The following LRRC4C variants were observed in gnomAD, a reference collection of about 807,000 sequenced individuals.
The protein encoded by LRRC4C is leucine-rich repeat-containing protein 4C.
LRRC4C carries 5 observed loss-of-function variants against 33.6 expected under a neutral mutation model. The ratio of observed to expected loss-of-function variants is 0.15; its 90% CI spans 0.08 to 0.31. The LOEUF (loss-of-function observed/expected upper bound fraction) is 0.31, where lower values mean the gene tolerates loss of function less well. LRRC4C is among the 10% of genes least tolerant of loss of function. The pLI is 1.00. For synonymous variants in LRRC4C, 329 were observed against 302.0 expected (o/e 1.09, Z -0.93); for missense variants, 560 against 796.7 (o/e 0.70, Z 3.58).
At chr11:41,116,098 C>T (rs1942108659) in intron 1 of LRRC4C, among the ~76,000 whole-genome samples, 1 of 152,064 alleles carries the variant, frequency 6.6e-6, no homozygotes. Context: ...ATGTACTCTG[C>T]TTCTAGTCAC....
At position 40,694,358 on chromosome 11, in the gene LRRC4C, G is replaced by A. The variant is rs569792975; in HGVS notation, c.-406-46080C>T. 8.6e-5 allele frequency among the ~76,000 whole-genome samples: 13 copies of A among 152,040 alleles called. No homozygotes were observed. In the South Asian group the frequency reaches 2.3e-3, roughly 27 times the overall value. On this transcript the variant is annotated intron_variant, in intron 2 of 6. Transcript: ENST00000528697. ...GGCTGCTTTCTTTCCTGGCTATTTC[G>A]TTTTTACCCTCTGTGGAAATCATCT... is the stretch of plus-strand genomic sequence containing the variant.
chr11:40,611,812 G>C (rs1362677448), intron 3 of LRRC4C, among the ~76,000 whole-genome samples: 1 of 151,712 alleles, frequency 6.6e-6, no homozygotes, highest in South Asian at 2.1e-4. Flanking sequence ...AAACCATAAG[G>C]AAATATCACT....
intron 2 of LRRC4C, among the ~76,000 whole-genome samples, chr11:40,905,610 G>A (rs1196265938): frequency 2.6e-5 from 4 of 152,148 alleles, no homozygotes; most frequent in African/African-American, 9.7e-5. Flanking sequence ...CACATGCCTT[G>A]AAAGCAAGGC....
intron 1 of LRRC4C, among the ~76,000 whole-genome samples, chr11:41,123,580 C>CT (rs1027437698): frequency 6.6e-6 from 1 of 151,642 alleles, no homozygotes; most frequent in Admixed American, 6.6e-5. Flanking sequence ...CCTTTTTTTT[C>CT]TTTTTTTAAT....
chr11:40,166,548 A>T (rs1859610492), intron 5 of LRRC4C, among the ~76,000 whole-genome samples: 1 of 152,124 alleles, frequency 6.6e-6, no homozygotes, highest in Admixed American at 6.5e-5. Context: ...TCATGAACAC[A>T]TATGCTTCTG....
chr11:40,163,494 C>G (rs1859335062), intron 5 of LRRC4C, among the ~76,000 whole-genome samples: 1 of 151,864 alleles, frequency 6.6e-6, no homozygotes, highest in African/African-American at 2.4e-5. Flanking sequence ...GGAACCATGG[C>G]TGATTTTAAT....
intron 3 of LRRC4C, among the ~76,000 whole-genome samples, chr11:40,633,951 G>T (rs1013531372): frequency 3.9e-5 from 6 of 152,070 alleles, no homozygotes; most frequent in Admixed American, 6.6e-5. Context: ...TAAATAAAAT[G>T]GGTACAAAGT....
intron 1 of LRRC4C, among the ~76,000 whole-genome samples, chr11:41,202,684 A>G (rs1946446507): frequency 6.6e-6 from 1 of 152,080 alleles, no homozygotes; most frequent in South Asian, 2.1e-4. Context: ...CTCTCTTCAA[A>G]TATTAAGGAT....
Position 40,442,541 on chromosome 11 carries a change from G to A in LRRC4C, c.-269-122820C>T, listed in dbSNP as rs534706028. Among the ~76,000 whole-genome samples the A allele has an allele frequency of 3.3e-5, 5 of 152,194 alleles. 1 individual carries two copies. The highest frequency in any genetic ancestry group is 1.2e-4 in the African/African-American group (5 of 41,530). On this transcript the variant is annotated intron_variant, in intron 3 of 6. Transcript: ENST00000528697. ...TCAAATACAATGGAACCAGAGAGAA[G>A]GAATCTACTATCAATGCTTCAATGT...
chr11:40,281,414 G>A (rs1006127442), intron 4 of LRRC4C, among the ~76,000 whole-genome samples: 2 of 152,030 alleles, frequency 1.3e-5, no homozygotes, highest in Non-Finnish European at 2.9e-5. Flanking sequence ...GAACAGCTGC[G>A]CCAGGATGAG....
At chr11:40,184,907 C>T (rs572553205) in intron 5 of LRRC4C, among the ~76,000 whole-genome samples, 9 of 152,202 alleles carry the variant, frequency 5.9e-5, no homozygotes, top group Non-Finnish European at 8.8e-5. Flanking sequence ...CTTTCTGCTG[C>T]GCTTCCTGCT....
chr11:41,320,781 G>C (rs1950934245), intron 1 of LRRC4C, among the ~76,000 whole-genome samples: 1 of 152,110 alleles, frequency 6.6e-6, no homozygotes. Context: ...CCTCTGCTCA[G>C]GAGCTCACAC....
intron 3 of LRRC4C, among the ~76,000 whole-genome samples, chr11:40,598,009 G>C (rs529353224): frequency 6.6e-6 from 1 of 152,218 alleles, no homozygotes; most frequent in Non-Finnish European, 1.5e-5. Flanking sequence ...TTGGATGCAT[G>C]GTTCAGAGTG....
chr11:40,138,182 T>C (rs1008427505), intron 6 of LRRC4C, among the ~76,000 whole-genome samples: 1 of 152,066 alleles, frequency 6.6e-6, no homozygotes, highest in Non-Finnish European at 1.5e-5. Flanking sequence ...TTTTTTTTTT[T>C]TTAGAGATGG....
chr11:40,490,687 T>C (rs775677127), intron 3 of LRRC4C, among the ~76,000 whole-genome samples: 3 of 152,142 alleles, frequency 2.0e-5, no homozygotes, highest in African/African-American at 7.2e-5. Context: ...AAGGGAATAA[T>C]AGTAAGCATG....
intron 2 of LRRC4C, among the ~76,000 whole-genome samples, chr11:40,894,670 C>G (rs1955860582): frequency 6.6e-6 from 1 of 152,098 alleles, no homozygotes; most frequent in South Asian, 2.1e-4. Context: ...TATTCAAGCT[C>G]TCCACCCAAC....
intron 1 of LRRC4C, among the ~76,000 whole-genome samples, chr11:41,414,151 C>T (rs1954592412): frequency 1.3e-5 from 2 of 152,110 alleles, no homozygotes; most frequent in African/African-American, 4.8e-5. Flanking sequence ...ATGCCTAGCA[C>T]ATTGCTTGGA....
intron 3 of LRRC4C, among the ~76,000 whole-genome samples, chr11:40,510,406 G>A (rs1393751179): frequency 6.6e-6 from 1 of 151,802 alleles, no homozygotes; most frequent in Non-Finnish European, 1.5e-5. Flanking sequence ...AAACACATGT[G>A]CATACACCAT....
chr11:41,188,141 C>G (rs1449539845), intron 1 of LRRC4C, among the ~76,000 whole-genome samples: 1 of 152,068 alleles, frequency 6.6e-6, no homozygotes, highest in Non-Finnish European at 1.5e-5. Flanking sequence ...CCTTCCTCTC[C>G]CTTCCCCTCC....
Sources: allele counts gnomAD v4.1 joint callset (sites outside exome capture counted in the v4.1 genomes callset), GRCh38; gene constraint gnomAD v4.1.1; transcripts MANE v1.5; gene names NCBI Gene and HGNC (gene_info 2026-07-23, HGNC 2026-07-21).